Variants in RDH8 observed in about 807,000 individuals in gnomAD.
RDH8 encodes retinol dehydrogenase 8, also known as photoreceptor outer segment all-trans retinol dehydrogenase.
A neutral mutation model predicts 22.3 loss-of-function variants in RDH8; 14 were observed. That is an observed-to-expected ratio of 0.63 (90% CI 0.42 to 0.98). The LOEUF is 0.98. RDH8 is among the 50% of genes least tolerant of loss of function. RDH8 has a pLI of 0.00. For missense variants in RDH8, 389 were observed against 409.8 expected (o/e 0.95, Z 0.44); for synonymous variants, 175 against 171.7 (o/e 1.02, Z -0.15).
rs370592251 is a variant in RDH8, at chr19:10,017,860, G to T, written c.262+645G>T. 2.0e-4 allele frequency among the ~76,000 whole-genome samples: 30 copies of T among 152,054 alleles called. No individual in the cohort carries two copies. The East Asian group carries it at 5.0e-3, about 26-fold the overall frequency. Reference sequence around the variant, plus strand: ...GAGGTTTCACCGTGTTGGTCAGGCTGGTCTCAAACTCCTGACCTCAAGTGA... The same window carrying T: ...GAGGTTTCACCGTGTTGGTCAGGCTTGTCTCAAACTCCTGACCTCAAGTGA... On this transcript the variant is annotated intron_variant, in intron 2 of 5. Coordinates refer to ENST00000591589, the MANE Select transcript of RDH8 (RefSeq NM_015725.4).
intron 1 of RDH8, among the ~76,000 whole-genome samples, chr19:10,016,403 C>T (rs571290393): frequency 2.2e-4 from 33 of 151,576 alleles, no homozygotes; most frequent in Non-Finnish European, 4.0e-4. Context: ...GATCTGCCCA[C>T]CTCGGCCTCC....
rs779588643 is a variant in RDH8 at position 10,021,666 on chromosome 19, C to T, written c.853C>T (p.Leu285Phe). 3 of 1,614,054 alleles carry T rather than the reference C, an allele frequency of 1.9e-6. No homozygotes were observed. The African/African-American group carries it at 4.0e-5, about 22-fold the overall frequency. The change falls in exon 6 of 6, where the codon CTC becomes TTC. Residue 285 changes from leucine to phenylalanine, a missense_variant. Physicochemically the swap from Leu to Phe is conservative, Grantham distance 22. Coordinates refer to ENST00000591589, the MANE Select transcript of RDH8 (RefSeq NM_015725.4). Reference sequence around the variant, plus strand: ...GTATGTGCGAACGACCCACCGCCTCCTCTTCCGCTGTCCACGCCTCCTCAA... The same window carrying T: ...GTATGTGCGAACGACCCACCGCCTCTTCTTCCGCTGTCCACGCCTCCTCAA... ...SLYVRTTHRL[L>F]FRCPRLLNLG...
chr19:10,017,791 G>T (rs370450564), intron 2 of RDH8, among the ~76,000 whole-genome samples: 1 of 150,300 alleles, frequency 6.7e-6, no homozygotes, highest in Admixed American at 6.7e-5. Context: ...GATTACAGGT[G>T]CCTGCCACCA....
At chr19:10,016,114 G>T (rs2087612653) in intron 1 of RDH8, among the ~76,000 whole-genome samples, 1 of 150,250 alleles carries the variant, frequency 6.7e-6, no homozygotes, top group African/African-American at 2.4e-5. Context: ...CATGAAGGCA[G>T]AAACTTTATC....
intron 4 of RDH8, 38 bp downstream of exon 4, chr19:10,020,840 G>C (rs775876845): frequency 1.1e-4 from 158 of 1,454,622 alleles, no homozygotes; most frequent in Non-Finnish European, 1.3e-4. Context: ...CTTGGAGCCA[G>C]TGATGGGGAG....
intron 1 of RDH8, 144 bp downstream of exon 1, chr19:10,013,744 A>T (rs1268312435): frequency 1.2e-6 from 1 of 825,578 alleles, no homozygotes; most frequent in Non-Finnish European, 1.9e-6. Flanking sequence ...TCATCCTAGA[A>T]ATATTTCTTG....
chr19:10,021,647 GC>G lies in RDH8; in HGVS notation c.835del (p.Arg279GlufsTer54), dbSNP rs1304342573. On this transcript the variant is annotated frameshift_variant, in exon 6 of 6. Coordinates refer to ENST00000591589, the MANE Select transcript of RDH8 (RefSeq NM_015725.4). LOFTEE classifies it high-confidence loss of function. ...TVDSSGSLYV[R>X]TTHRLLFRCP... is the part of the protein sequence containing the mutation. ...TGGATTCCTCTGGCAGCCTGTATGT[GC>G]GAACGACCCACCGCCTCCTCTTCCG... 1 of 1,613,630 alleles carries G rather than the reference GC, an allele frequency of 6.2e-7. No homozygotes were observed. The highest frequency in any genetic ancestry group is 8.5e-7 in the Non-Finnish European group (1 of 1,179,680).
intron 1 of RDH8, among the ~76,000 whole-genome samples, chr19:10,014,099 G>C (rs2087590228): frequency 6.6e-6 from 1 of 152,150 alleles, no homozygotes; most frequent in African/African-American, 2.4e-5. Context: ...GGGTTGAAGG[G>C]ATGGCCTTCT....
chr19:10,018,459 G>A lies in RDH8; in HGVS notation c.263-272G>A, dbSNP rs562592043. Among the ~76,000 whole-genome samples the A allele has an allele frequency of 3.3e-5, 5 of 152,302 alleles. No homozygotes were observed. In the South Asian group the frequency reaches 1.0e-3, roughly 32 times the overall value. ...CCTTCGCAGGAAGGTGGGTGTCGCT[G>A]TCTTGATGTAATTTGGGGTCAGAAT... On this transcript the variant is annotated intron_variant, in intron 2 of 5. Transcript: ENST00000591589.
rs1218764882 is a variant in RDH8, at chr19:10,016,843, T to C, written c.104-214T>C. On this transcript the variant is annotated intron_variant, in intron 1 of 5. Coordinates refer to ENST00000591589, the MANE Select transcript of RDH8 (RefSeq NM_015725.4). ...TAGTGTATAGTAGATGCTCAATAAA[T>C]GTCTGTTGAACTCATGGTTGGAAGG... Among the ~76,000 whole-genome samples the C allele has an allele frequency of 2.6e-5, 4 of 152,274 alleles. No homozygotes were observed. In the East Asian group the frequency reaches 7.7e-4, roughly 29 times the overall value.
intron 2 of RDH8, among the ~76,000 whole-genome samples, chr19:10,017,780 G>C (rs894591119): frequency 6.6e-6 from 1 of 151,888 alleles, no homozygotes; most frequent in African/African-American, 2.4e-5. Context: ...TGAGTAGCTG[G>C]GATTACAGGT....
At chr19:10,017,335 AAGGGGTAGACCAGTTGGCCAAG>A (rs1265575466) in intron 2 of RDH8, 120 bp downstream of exon 2, 26 of 1,132,160 alleles carry the variant, frequency 2.3e-5, no homozygotes, top group Admixed American at 3.1e-5. Context: ...ACCTGGGCAG[AAGGGGTAGACCAGTTGGCCAAG>A]AGGGGTAGAC....
chr19:10,017,855 A>G (rs1007211781), intron 2 of RDH8, among the ~76,000 whole-genome samples: 2 of 151,888 alleles, frequency 1.3e-5, no homozygotes, highest in African/African-American at 2.4e-5. Context: ...CGTGTTGGTC[A>G]GGCTGGTCTC....
At chr19:10,020,913 T>C in intron 4 of RDH8, 111 bp downstream of exon 4, 2 of 803,720 alleles carry the variant, frequency 2.5e-6, no homozygotes, top group Non-Finnish European at 4.1e-6. Flanking sequence ...GGCTCACACC[T>C]GTAAGTCCAG....
intron 2 of RDH8, among the ~76,000 whole-genome samples, chr19:10,017,715 C>A (rs144245140): frequency 6.6e-6 from 1 of 152,054 alleles, no homozygotes; most frequent in African/African-American, 2.4e-5. Flanking sequence ...GGCGTGATCT[C>A]GGCTCACTGC....
rs768651450 is a variant in RDH8 at position 10,021,770 on chromosome 19, C to A, written c.*21C>A. On this transcript the variant is annotated 3_prime_UTR_variant, in exon 6 of 6. Transcript: ENST00000591589. ...GATGAGCAGAACAGAGCTTCACGAT[C>A]CCCATCCCTGAACAACCAGACCTCT... 2 of 1,606,884 alleles carry A rather than the reference C, an allele frequency of 1.2e-6. No individual in the cohort carries two copies. The highest frequency in any genetic ancestry group is 1.7e-6 in the Non-Finnish European group (2 of 1,175,648).
chr19:10,018,460 T>C (rs1189418683), intron 2 of RDH8, among the ~76,000 whole-genome samples: 4 of 152,124 alleles, frequency 2.6e-5, no homozygotes, highest in Non-Finnish European at 5.9e-5. Context: ...GGTGTCGCTG[T>C]CTTGATGTAA....
rs1375314340 is a variant in RDH8, at chr19:10,013,584, C to G, written c.87C>G (p.Pro29=). The G allele has an allele frequency of 6.2e-7, 1 of 1,614,014 alleles. No homozygotes were observed. The highest frequency in any genetic ancestry group is 8.5e-7 in the Non-Finnish European group (1 of 1,180,024). ...TTGCAGTGCAACTGGCCCATGACCC[C>G]AAGAAGCGCTACCAGGGTAAGAAGT... ...LELAVQLAHD[P]KKRYQVVATM... Residue 29 remains proline (P), a synonymous_variant, in exon 1 of 6, where the codon CCC becomes CCG. Transcript: ENST00000591589.
intron 1 of RDH8, 71 bp downstream of exon 1, chr19:10,013,671 C>T: frequency 1.3e-6 from 2 of 1,517,914 alleles, no homozygotes; most frequent in Non-Finnish European, 1.8e-6. Context: ...CTCCCCTACC[C>T]ATCCCTCCCA....
Sources: gnomAD v4.1 joint callset for allele counts (sites outside exome capture counted in the v4.1 genomes callset) on GRCh38, gnomAD v4.1.1 for gene constraint, MANE v1.5 for transcripts, NCBI Gene and HGNC (gene_info 2026-07-23, HGNC 2026-07-21) for gene names.